The following NRXN1 variants were observed in gnomAD, a reference collection of about 807,000 sequenced individuals.
NRXN1 encodes neurexin 1.
Under a neutral mutation model 150.9 loss-of-function variants are expected in NRXN1, and 39 were observed. That is an observed-to-expected ratio of 0.26 (90% CI 0.20 to 0.34). The LOEUF (loss-of-function observed/expected upper bound fraction) is 0.34. NRXN1 is among the 10% of genes least tolerant of loss of function. NRXN1 has a pLI of 1.00. For missense variants in NRXN1, 1,815 were observed against 1,949.9 expected, an observed-to-expected ratio of 0.93 and a Z score of 1.30; for synonymous variants, 924 against 757.0, an observed-to-expected ratio of 1.22 and a Z score of -3.62.
rs79165658 is a variant in NRXN1 at position 50,401,883 on chromosome 2, C to T, written c.3364+63559G>A. 8.3e-3 allele frequency among the ~76,000 whole-genome samples: 1,266 copies of T among 152,172 alleles called. 42 individuals are homozygous for T. In the East Asian group the frequency reaches 0.12, roughly 14 times the overall value. On this transcript the variant is annotated intron_variant, in intron 17 of 22. Transcript: ENST00000401669. ...GCTGGAGATAATCATGCAAACCAGC[C>T]AGCCTTTTCACTTCCTGGAAGCCCT...
At chr2:49,999,928 A>G (rs1048935495) in intron 21 of NRXN1, among the ~76,000 whole-genome samples, 1 of 152,200 alleles carries the variant, frequency 6.6e-6, no homozygotes, top group African/African-American at 2.4e-5. Context: ...CAAAGCCTAC[A>G]TAGTGGAATG....
At chr2:50,917,174 T>C (rs544564068) in intron 5 of NRXN1, 1 of 151,766 alleles carries the variant, frequency 6.6e-6, no homozygotes, top group Non-Finnish European at 1.5e-5. Flanking sequence ...AGTTTGTATA[T>C]GCACCAAACA....
chr2:50,503,798 G>A (rs558421007), intron 13 of NRXN1, among the ~76,000 whole-genome samples: 187 of 152,190 alleles, frequency 1.2e-3, no homozygotes, highest in African/African-American at 3.9e-3. Flanking sequence ...TCTCCCCACA[G>A]ACAGTTTATT....
intron 8 of NRXN1, among the ~76,000 whole-genome samples, chr2:50,567,826 G>A (rs776166500): frequency 2.6e-4 from 40 of 151,928 alleles, no homozygotes; most frequent in Non-Finnish European, 5.0e-4. Context: ...AAATAATGAC[G>A]AACACAGAGT....
intron 5 of NRXN1, among the ~76,000 whole-genome samples, chr2:50,785,973 G>GC (rs1220808371): frequency 1.3e-5 from 2 of 151,840 alleles, no homozygotes; most frequent in Non-Finnish European, 2.9e-5. Context: ...TAACAGCCAC[G>GC]CCCCCACCCT....
At chr2:50,077,694 T>A (rs1030268886) in intron 19 of NRXN1, among the ~76,000 whole-genome samples, 3 of 152,124 alleles carry the variant, frequency 2.0e-5, no homozygotes, top group African/African-American at 7.2e-5. Flanking sequence ...TATTCCTTTA[T>A]TCTGCCTGAT....
intron 17 of NRXN1, among the ~76,000 whole-genome samples, chr2:50,356,378 C>T (rs901592898): frequency 5.3e-5 from 8 of 152,058 alleles, no homozygotes; most frequent in Non-Finnish European, 1.0e-4. Flanking sequence ...AGTATATGCT[C>T]CAAAACATTT....
At chr2:50,774,070 T>C (rs1027754267) in intron 5 of NRXN1, among the ~76,000 whole-genome samples, 4 of 152,112 alleles carry the variant, frequency 2.6e-5, no homozygotes, top group African/African-American at 9.7e-5. Flanking sequence ...AATTGAAATA[T>C]AATAAACACC....
intron 18 of NRXN1, among the ~76,000 whole-genome samples, chr2:50,137,090 A>C (rs1706530937): frequency 6.6e-6 from 1 of 152,206 alleles, no homozygotes; most frequent in Non-Finnish European, 1.5e-5. Context: ...CAAACCAAGT[A>C]GATTTTTTTT....
intron 16 of NRXN1, among the ~76,000 whole-genome samples, chr2:50,467,822 A>G (rs1324513153): frequency 6.6e-6 from 1 of 151,546 alleles, no homozygotes; most frequent in East Asian, 1.9e-4. Context: ...AAGAACTAAC[A>G]AAGAACTAAG....
chr2:50,663,407 C>G (rs1559092637), intron 5 of NRXN1, among the ~76,000 whole-genome samples: 2 of 151,940 alleles, frequency 1.3e-5, no homozygotes, highest in Non-Finnish European at 2.9e-5. Context: ...AGCTCTGTTC[C>G]CTCTGTTTTC....
At chr2:50,337,083 CTTT>C (rs768582035) in intron 17 of NRXN1, among the ~76,000 whole-genome samples, 9 of 133,064 alleles carry the variant, frequency 6.8e-5, no homozygotes, top group Admixed American at 7.6e-5. Flanking sequence ...TTTTCTTTTT[CTTT>C]TTTTTTTTTT....
chr2:49,944,119 T>G (rs968231272), intron 21 of NRXN1, among the ~76,000 whole-genome samples: 1 of 152,234 alleles, frequency 6.6e-6, no homozygotes, highest in African/African-American at 2.4e-5. Flanking sequence ...ATTTGAAATT[T>G]ATTACAGCCT....
chr2:50,049,133 G>T (rs898723047), intron 21 of NRXN1, among the ~76,000 whole-genome samples: 1 of 152,092 alleles, frequency 6.6e-6, no homozygotes, highest in African/African-American at 2.4e-5. Flanking sequence ...TGTAAAAGTA[G>T]AGTATAATAT....
chr2:50,223,155 G>T (rs2064033875), intron 18 of NRXN1, among the ~76,000 whole-genome samples: 1 of 151,738 alleles, frequency 6.6e-6, no homozygotes, highest in Non-Finnish European at 1.5e-5. Flanking sequence ...TCTAGTTTAT[G>T]TCTGGATGCT....
At chr2:50,025,363 A>G (rs1386578196) in intron 21 of NRXN1, among the ~76,000 whole-genome samples, 1 of 152,208 alleles carries the variant, frequency 6.6e-6, no homozygotes. Context: ...ATGAAATTTT[A>G]AAGTAAGAAG....
At chr2:50,310,820 T>A (rs2075113351) in intron 17 of NRXN1, among the ~76,000 whole-genome samples, 2 of 152,118 alleles carry the variant, frequency 1.3e-5, no homozygotes, top group South Asian at 4.1e-4. Flanking sequence ...AAGACGAGAT[T>A]AACACAGCAG....
chr2:50,678,938 T>C (rs1689945731), intron 5 of NRXN1, among the ~76,000 whole-genome samples: 1 of 152,062 alleles, frequency 6.6e-6, no homozygotes, highest in Admixed American at 6.6e-5. Context: ...GACTATGGAC[T>C]GCACAGTGAA....
At chr2:49,954,023 TA>T in intron 21 of NRXN1, among the ~76,000 whole-genome samples, 1 of 152,082 alleles carries the variant, frequency 6.6e-6, no homozygotes, top group African/African-American at 2.4e-5. Context: ...TAAGAAAAAA[TA>T]AAAAAATTAT....
Sources: allele counts gnomAD v4.1 joint callset (sites outside exome capture counted in the v4.1 genomes callset), GRCh38; gene constraint gnomAD v4.1.1; transcripts MANE v1.5; gene names NCBI Gene and HGNC (gene_info 2026-07-23, HGNC 2026-07-21).